EPHA6: variants seen among roughly 807,000 people sequenced by gnomAD.
The protein encoded by EPHA6 is EPH receptor A6, also known as ephrin type-A receptor 6.
Under a neutral mutation model 112.0 loss-of-function variants are expected in EPHA6, and 50 were observed. That is an observed-to-expected ratio of 0.45 (90% CI 0.36 to 0.56). EPHA6 has a LOEUF of 0.56. Ranked by LOEUF, EPHA6 falls within the 20% of genes least tolerant of loss-of-function variation. The probability of loss-of-function intolerance (pLI) is 0.00; values close to 1 mark genes in which losing one functional copy is unlikely to be tolerated. For missense variants in EPHA6, 1,280 were observed against 1,417.4 expected, an observed-to-expected ratio of 0.90 and a Z score of 1.56; for synonymous variants, 529 against 490.7, an observed-to-expected ratio of 1.08 and a Z score of -1.03.
At chr3:97,268,626 C>T (rs1275438963) in intron 5 of EPHA6, among the ~76,000 whole-genome samples, 1 of 151,832 alleles carries the variant, frequency 6.6e-6, no homozygotes, top group African/African-American at 2.4e-5. Context: ...AAATATTTTA[C>T]CATAAGATGC....
At chr3:97,597,492 A>T (rs2093604648) in intron 12 of EPHA6, among the ~76,000 whole-genome samples, 1 of 152,190 alleles carries the variant, frequency 6.6e-6, no homozygotes, top group Admixed American at 6.5e-5. Flanking sequence ...GATTTGGATG[A>T]GCCTTATACT....
chr3:96,996,323 T>C (rs2043420536), intron 3 of EPHA6, among the ~76,000 whole-genome samples: 1 of 152,130 alleles, frequency 6.6e-6, no homozygotes, highest in African/African-American at 2.4e-5. Context: ...AAAACTCCTG[T>C]GATTGTTGAT....
At chr3:97,200,899 G>A (rs1032153360) in intron 3 of EPHA6, among the ~76,000 whole-genome samples, 2 of 152,254 alleles carry the variant, frequency 1.3e-5, no homozygotes, top group Middle Eastern at 3.4e-3. Flanking sequence ...ATGTGAAAAT[G>A]TGATAGTTCT....
intron 3 of EPHA6, among the ~76,000 whole-genome samples, chr3:97,222,171 C>T (rs1412981976): frequency 2.0e-5 from 3 of 151,970 alleles, no homozygotes; most frequent in East Asian, 3.8e-4. Flanking sequence ...AGATAACACT[C>T]GACACAATAG....
intron 3 of EPHA6, among the ~76,000 whole-genome samples, chr3:97,187,696 A>AGAAG (rs1491111600): frequency 2.8e-5 from 3 of 106,830 alleles, no homozygotes; most frequent in Non-Finnish European, 6.1e-5. Context: ...AAGGAAAGAA[A>AGAAG]GAAAGAAAGA....
At chr3:96,990,219 T>G (rs1004098212) in intron 3 of EPHA6, among the ~76,000 whole-genome samples, 1 of 152,084 alleles carries the variant, frequency 6.6e-6, no homozygotes, top group African/African-American at 2.4e-5. Context: ...ATGTCTAGAT[T>G]TTTTTTTACT....
intron 5 of EPHA6, among the ~76,000 whole-genome samples, chr3:97,271,042 C>A (rs1334367141): frequency 6.6e-6 from 1 of 152,172 alleles, no homozygotes; most frequent in Admixed American, 6.5e-5. Flanking sequence ...CACTCATTAA[C>A]CCCTTCACCT....
intron 2 of EPHA6, among the ~76,000 whole-genome samples, chr3:96,910,149 T>C (rs2107599792): frequency 6.6e-6 from 1 of 152,200 alleles, no homozygotes; most frequent in Non-Finnish European, 1.5e-5. Context: ...TAGAAATTAT[T>C]GATGGAAATA....
chr3:97,723,847 G>A (rs1262710752), intron 15 of EPHA6, among the ~76,000 whole-genome samples: 1 of 152,130 alleles, frequency 6.6e-6, no homozygotes, highest in Non-Finnish European at 1.5e-5. Context: ...TTCACATATT[G>A]GAAGTCAGCA....
chr3:97,430,936 T>A (rs531921864), intron 6 of EPHA6, among the ~76,000 whole-genome samples: 15 of 152,204 alleles, frequency 9.9e-5, no homozygotes, highest in Middle Eastern at 3.4e-3. Flanking sequence ...TGTTTTAATA[T>A]CACGTATTTG....
intron 2 of EPHA6, among the ~76,000 whole-genome samples, chr3:96,966,178 T>A (rs928458232): frequency 2.0e-5 from 3 of 152,252 alleles, no homozygotes; most frequent in East Asian, 3.9e-4. Context: ...AACTGGTATT[T>A]TGATTAGAAT....
chr3:97,310,615 A>T (rs916360591), intron 5 of EPHA6, among the ~76,000 whole-genome samples: 1 of 151,466 alleles, frequency 6.6e-6, no homozygotes, highest in Non-Finnish European at 1.5e-5. Context: ...GGTAAATTTG[A>T]AGTCAGTTAT....
intron 5 of EPHA6, among the ~76,000 whole-genome samples, chr3:97,322,341 C>T (rs540353211): frequency 3.9e-5 from 6 of 152,056 alleles, no homozygotes; most frequent in African/African-American, 1.4e-4. Context: ...ACCCACATTT[C>T]CTGTTTATGG....
At chr3:97,541,309 T>C (rs1230692819) in intron 11 of EPHA6, among the ~76,000 whole-genome samples, 1 of 152,228 alleles carries the variant, frequency 6.6e-6, no homozygotes, top group Non-Finnish European at 1.5e-5. Flanking sequence ...GTAAAAATAT[T>C]ACAGTTCTCA....
intron 2 of EPHA6, among the ~76,000 whole-genome samples, chr3:96,905,928 G>T (rs368369903): frequency 6.6e-6 from 1 of 151,834 alleles, no homozygotes; most frequent in African/African-American, 2.4e-5. Context: ...AAACAATGCA[G>T]GTATATGTAT....
chr3:97,490,945 T>C lies in EPHA6; in HGVS notation c.2200+6886T>C, dbSNP rs925516271. 2.6e-5 allele frequency among the ~76,000 whole-genome samples: 4 copies of C among 152,284 alleles called. No homozygotes were observed. In the East Asian group the frequency reaches 5.8e-4, roughly 22 times the overall value. On this transcript the variant is annotated intron_variant, in intron 10 of 17. Transcript: ENST00000389672. ...TCAGGATACAGTCCTTTGAGGGTTG[T>C]TGCACAGACAGTTTTAATTCCTCAC...
In EPHA6 at chr3:97,023,702, T is replaced by C. The variant is rs536244107; in HGVS notation, c.1114+35709T>C. Among the ~76,000 whole-genome samples, 9 of 152,240 alleles carry C rather than the reference T, an allele frequency of 5.9e-5. No homozygotes were observed. In the South Asian group the frequency reaches 1.9e-3, roughly 32 times the overall value. ...TTTTACAATGTTTCTTTTAAAACTA[T>C]TTCCTATTTATATTCATTTAGATTT... On this transcript the variant is annotated intron_variant, in intron 3 of 17. Transcript: ENST00000389672.
intron 3 of EPHA6, among the ~76,000 whole-genome samples, chr3:97,069,329 T>C (rs925386985): frequency 6.6e-6 from 1 of 152,142 alleles, no homozygotes; most frequent in African/African-American, 2.4e-5. Context: ...ATCCTTATTG[T>C]CCTCCATTGA....
chr3:96,942,053 C>T (rs1321525257), intron 2 of EPHA6, among the ~76,000 whole-genome samples: 9 of 152,290 alleles, frequency 5.9e-5, no homozygotes, highest in African/African-American at 1.4e-4. Context: ...TCAGGCTGCT[C>T]GGGGGTCAGG....
Sources: allele counts gnomAD v4.1 joint callset (sites outside exome capture counted in the v4.1 genomes callset), GRCh38; gene constraint gnomAD v4.1.1; transcripts MANE v1.5; gene names NCBI Gene and HGNC (gene_info 2026-07-23, HGNC 2026-07-21).